The following CACUL1 variants were observed in gnomAD, a reference collection of about 807,000 sequenced individuals.
The protein encoded by CACUL1 is CDK2-associated and cullin domain-containing protein 1.
In CACUL1, 13 loss-of-function variants were observed where a neutral mutation model predicts 45.2. That is an observed-to-expected ratio of 0.29 (90% CI 0.19 to 0.46). The LOEUF (loss-of-function observed/expected upper bound fraction) is 0.46, where lower values mean the gene tolerates loss of function less well. Ranked by LOEUF, CACUL1 falls within the 20% of genes least tolerant of loss-of-function variation. The pLI, the probability that CACUL1 is intolerant of heterozygous loss-of-function variation, is 1.00. For synonymous variants in CACUL1, 197 were observed against 174.2 expected, an observed-to-expected ratio of 1.13 and a Z score of -1.03; for missense variants, 421 against 471.4, an observed-to-expected ratio of 0.89 and a Z score of 0.99.
rs539536658 is a variant in CACUL1, at chr10:118,750,625, G to T, written c.367+3771C>A. Among the ~76,000 whole-genome samples the T allele has an allele frequency of 7.9e-5, 12 of 152,260 alleles. 1 individual carries two copies. Among genetic ancestry groups the T allele is most frequent in the South Asian group, 2.1e-4 (1 of 4,818 alleles). On this transcript the variant is annotated intron_variant, in intron 1 of 8. Transcript: ENST00000369151. ...AGTATACCTTCACTGCCATAGCTGA[G>T]GGATACATTAACGCGGCAGCTATCT...
In CACUL1 at chr10:118,691,219, G is replaced by A. The variant is rs1335204254; in HGVS notation, c.1025+46C>T. 3.2e-6 allele frequency: 5 copies of A among 1,560,206 alleles called. No homozygotes were observed. In the African/African-American group the frequency reaches 5.5e-5, roughly 17 times the overall value. On this transcript the variant is annotated intron_variant, in intron 7 of 8. Transcript: ENST00000369151. ...TCCCATGTCAAGCCAGACTGGCCTA[G>A]GGAAATGGACATATTTGACCACTAA... is the stretch of plus-strand genomic sequence containing the variant.
At chr10:118,696,061 G>A (rs1845318782) in intron 5 of CACUL1, among the ~76,000 whole-genome samples, 1 of 152,182 alleles carries the variant, frequency 6.6e-6, no homozygotes, top group African/African-American at 2.4e-5. Context: ...TCTAAAAAGA[G>A]AAATGCCATC....
Position 118,682,324 on chromosome 10 carries a change from A to G in CACUL1, c.*3804T>C, listed in dbSNP as rs1398406632. On this transcript the variant is annotated 3_prime_UTR_variant, in exon 9 of 9. Coordinates refer to ENST00000369151, the MANE Select transcript of CACUL1 (RefSeq NM_153810.5). ...CAGTTATTTTAATAGCTGCTTATGAAACAATAACAGTTTAACTCAAGGGCA... is the reference window on the plus strand; with the variant it reads ...CAGTTATTTTAATAGCTGCTTATGAGACAATAACAGTTTAACTCAAGGGCA... The G allele has an allele frequency of 6.6e-6, 1 of 152,238 alleles. No individual in the cohort carries two copies. The highest frequency in any genetic ancestry group is 1.9e-4 in the East Asian group (1 of 5,206). 9.4% of individuals were successfully genotyped at this position (152,238 alleles called of 1,614,324 possible).
chr10:118,697,371 C>G (rs1305255222), intron 5 of CACUL1, among the ~76,000 whole-genome samples: 1 of 152,228 alleles, frequency 6.6e-6, no homozygotes, highest in African/African-American at 2.4e-5. Context: ...CTGTACTCTA[C>G]TTCACCATAC....
intron 4 of CACUL1, among the ~76,000 whole-genome samples, chr10:118,706,879 A>C (rs1254379759): frequency 1.3e-5 from 2 of 152,250 alleles, no homozygotes; most frequent in Admixed American, 6.5e-5. Context: ...AGCAAGCTAC[A>C]TGCTACAGAA....
At chr10:118,700,834 CAG>C (rs966541996) in intron 5 of CACUL1, among the ~76,000 whole-genome samples, 1 of 151,974 alleles carries the variant, frequency 6.6e-6, no homozygotes, top group African/African-American at 2.4e-5. Context: ...AGAGAAAACT[CAG>C]GGCCACAAGA....
intron 1 of CACUL1, among the ~76,000 whole-genome samples, chr10:118,736,236 T>A (rs972280885): frequency 5.9e-5 from 9 of 152,056 alleles, no homozygotes; most frequent in Non-Finnish European, 1.0e-4. Context: ...ACAGAAAAAA[T>A]TTTATCAGGA....
At position 118,686,655 on chromosome 10, in the gene CACUL1, G is replaced by A. The variant is rs778811201; in HGVS notation, c.1026-14C>T. ...GACTGGTCACCCCTGGGGATAAGAA[G>A]AGGCAGTCAACAAAACTGACTTCAC... On this transcript the variant is annotated splice_polypyrimidine_tract_variant and intron_variant, in intron 7 of 8. Transcript: ENST00000369151. The A allele has an allele frequency of 1.3e-5, 21 of 1,609,202 alleles. No individual in the cohort carries two copies. Among genetic ancestry groups the A allele is most frequent in the Admixed American group, 3.3e-5 (2 of 59,982 alleles).
Position 118,733,920 on chromosome 10 carries a change from G to A in CACUL1, c.368-3510C>T, listed in dbSNP as rs541316544. Among the ~76,000 whole-genome samples, 4 of 152,324 alleles carry A rather than the reference G, an allele frequency of 2.6e-5. No individual in the cohort carries two copies. In the East Asian group the frequency reaches 5.8e-4, roughly 22 times the overall value. Reference sequence around the variant, plus strand: ...TGGTCTCAGCTACTCGGGAGGCTGAGGCAGGAGGATCTTTCAAGCCCAAAG... The same window carrying A: ...TGGTCTCAGCTACTCGGGAGGCTGAAGCAGGAGGATCTTTCAAGCCCAAAG... On this transcript the variant is annotated intron_variant, in intron 1 of 8. Transcript: ENST00000369151.
At chr10:118,740,810 T>C (rs1307408816) in intron 1 of CACUL1, among the ~76,000 whole-genome samples, 15 of 148,356 alleles carry the variant, frequency 1.0e-4, no homozygotes, top group South Asian at 2.1e-4. Flanking sequence ...CCTGTAGTCC[T>C]AGCTACTCAG....
intron 6 of CACUL1, among the ~76,000 whole-genome samples, chr10:118,693,983 GCTCAGGAA>G (rs1845296739): frequency 6.6e-6 from 1 of 152,130 alleles, no homozygotes; most frequent in Non-Finnish European, 1.5e-5. Context: ...GGTACAATCA[GCTCAGGAA>G]GTAGCTGGGA....
intron 1 of CACUL1, among the ~76,000 whole-genome samples, chr10:118,740,547 C>T (rs1779157071): frequency 6.6e-6 from 1 of 150,800 alleles, no homozygotes; most frequent in African/African-American, 2.4e-5. Flanking sequence ...GAGGCAGAGA[C>T]TACAGTGAGC....
At chr10:118,702,584 CTTTT>C (rs35241397) in intron 4 of CACUL1, among the ~76,000 whole-genome samples, 1 of 138,830 alleles carries the variant, frequency 7.2e-6, no homozygotes. Context: ...TTTCTTTTTT[CTTTT>C]TTTTTTTTTT....
intron 1 of CACUL1, among the ~76,000 whole-genome samples, chr10:118,749,346 G>C (rs993489971): frequency 2.6e-5 from 4 of 152,190 alleles, no homozygotes; most frequent in African/African-American, 9.7e-5. Flanking sequence ...TGGTGGCTTG[G>C]ATTTCTGGTG....
chr10:118,719,811 C>CAA (rs896242969), intron 3 of CACUL1, among the ~76,000 whole-genome samples: 81 of 125,084 alleles, frequency 6.5e-4, no homozygotes, highest in African/African-American at 2.4e-3. Context: ...AATTCCGTCT[C>CAA]AAAAAAAAAA....
chr10:118,716,922 T>C (rs1306998125), intron 3 of CACUL1, among the ~76,000 whole-genome samples: 1 of 152,060 alleles, frequency 6.6e-6, no homozygotes, highest in Non-Finnish European at 1.5e-5. Flanking sequence ...TTCTTAAACA[T>C]AAGCTACACT....
chr10:118,691,862 G>A (rs1233681006), intron 6 of CACUL1, among the ~76,000 whole-genome samples: 4 of 72,502 alleles, frequency 5.5e-5, no homozygotes, highest in East Asian at 3.9e-4. Flanking sequence ...GCGAGACTCC[G>A]TCTCAAAAAA....
At position 118,677,013 on chromosome 10, in the gene CACUL1, T is replaced by C. The variant is rs1459812444; in HGVS notation, c.*9115A>G. 6.6e-6 allele frequency: 1 copy of C among 152,196 alleles called. No individual in the cohort carries two copies. Among genetic ancestry groups the C allele is most frequent in the Non-Finnish European group, 1.5e-5 (1 of 68,028 alleles). The allele number at this position is 152,196 out of a possible 1,614,324, so 9.4% of individuals were successfully genotyped here. A position where few individuals can be genotyped will look rare whatever the true frequency, so the allele number is the denominator to read the frequency against. On this transcript the variant is annotated 3_prime_UTR_variant, in exon 9 of 9. Transcript: ENST00000369151. ...TCTAGTTTTTACAACATTTTTTTCT[T>C]TTTTAGTTCACAATCTGGAATTTCT...
At chr10:118,722,257 A>AT (rs530105419) in intron 3 of CACUL1, among the ~76,000 whole-genome samples, 43 of 146,904 alleles carry the variant, frequency 2.9e-4, no homozygotes, top group East Asian at 1.4e-3. Context: ...CTAATTTTGT[A>AT]TTTTTTTTTT....
Sources: gnomAD v4.1 joint callset for allele counts (sites outside exome capture counted in the v4.1 genomes callset) on GRCh38, gnomAD v4.1.1 for gene constraint, MANE v1.5 for transcripts, NCBI Gene and HGNC (gene_info 2026-07-23, HGNC 2026-07-21) for gene names.